MINDY3: variants seen among roughly 807,000 people sequenced by gnomAD.
The protein encoded by MINDY3 is ubiquitin carboxyl-terminal hydrolase MINDY-3.
In MINDY3, 38 loss-of-function variants were observed where a neutral mutation model predicts 69.2. That is an observed-to-expected ratio of 0.55 (90% CI 0.42 to 0.72). MINDY3 has a LOEUF of 0.72. Among genes scored for constraint, MINDY3 ranks in the 30% least tolerant of loss-of-function variants. The pLI is 0.00. For missense variants in MINDY3, 522 were observed against 519.0 expected, an observed-to-expected ratio of 1.01 and a Z score of -0.06; for synonymous variants, 192 against 180.1, an observed-to-expected ratio of 1.07 and a Z score of -0.53.
intron 8 of MINDY3, among the ~76,000 whole-genome samples, chr10:15,823,034 T>G (rs908599650): frequency 6.6e-6 from 1 of 152,286 alleles, no homozygotes. Context: ...TCCATTAGGA[T>G]ATATTTTCTT....
intron 10 of MINDY3, among the ~76,000 whole-genome samples, chr10:15,809,470 G>A (rs1185602148): frequency 6.6e-6 from 1 of 152,086 alleles, no homozygotes; most frequent in Non-Finnish European, 1.5e-5. Context: ...GCCATGATAC[G>A]ATTTCTGAAG....
intron 8 of MINDY3, among the ~76,000 whole-genome samples, chr10:15,822,518 G>A (rs1197254834): frequency 1.3e-5 from 2 of 152,156 alleles, no homozygotes; most frequent in Non-Finnish European, 2.9e-5. Context: ...TGCATTTAAG[G>A]AATGAAGAAT....
chr10:15,836,476 CTAGCA>C (rs1181868861), intron 6 of MINDY3, among the ~76,000 whole-genome samples: 1 of 151,802 alleles, frequency 6.6e-6, no homozygotes, highest in East Asian at 1.9e-4. Context: ...GACATAGTCC[CTAGCA>C]TAGAGTCAAT....
At chr10:15,825,794 T>A (rs1840047730) in intron 8 of MINDY3, among the ~76,000 whole-genome samples, 1 of 152,142 alleles carries the variant, frequency 6.6e-6, no homozygotes, top group African/African-American at 2.4e-5. Flanking sequence ...TGTGTATGAG[T>A]CCATCATCTT....
chr10:15,835,162 G>C (rs115864354), intron 6 of MINDY3, among the ~76,000 whole-genome samples: 258 of 152,068 alleles, frequency 1.7e-3, no homozygotes, highest in African/African-American at 6.0e-3. Flanking sequence ...CAAATTAGGA[G>C]GGCAGGAAGT....
chr10:15,814,546 C>T (rs2131968923), intron 10 of MINDY3, among the ~76,000 whole-genome samples: 1 of 150,310 alleles, frequency 6.7e-6, no homozygotes, highest in Middle Eastern at 3.4e-3. Context: ...GTATAAAATT[C>T]AAGAGTTCTA....
At chr10:15,786,520 C>T in intron 13 of MINDY3, 41 bp downstream of exon 13, 1 of 1,169,408 alleles carries the variant, frequency 8.6e-7, no homozygotes, top group East Asian at 2.3e-5. Flanking sequence ...GGTAATCATC[C>T]CAACAGAATA....
chr10:15,832,005 C>G (rs1840500575), intron 8 of MINDY3, among the ~76,000 whole-genome samples: 1 of 152,106 alleles, frequency 6.6e-6, no homozygotes, highest in Non-Finnish European at 1.5e-5. Flanking sequence ...AAACCTCATT[C>G]TGACTGTTAG....
At chr10:15,807,771 C>G (rs969308278) in intron 10 of MINDY3, among the ~76,000 whole-genome samples, 2 of 152,132 alleles carry the variant, frequency 1.3e-5, no homozygotes, top group African/African-American at 4.8e-5. Flanking sequence ...GCTGACATCA[C>G]TGATGACTGA....
intron 3 of MINDY3, 54 bp downstream of exon 3, chr10:15,843,158 C>A (rs2132095831): frequency 7.4e-7 from 1 of 1,358,284 alleles, no homozygotes; most frequent in Non-Finnish European, 1.0e-6. Context: ...AATTTTAGAT[C>A]ATCTCTATTA....
intron 14 of MINDY3, among the ~76,000 whole-genome samples, chr10:15,780,385 G>A (rs567976717): frequency 6.6e-6 from 1 of 152,180 alleles, no homozygotes; most frequent in Admixed American, 6.5e-5. Flanking sequence ...TACAACTCGG[G>A]CTTTTCAGTC....
chr10:15,834,690 T>A, intron 6 of MINDY3, 74 bp from the exon 7 acceptor site: 2 of 960,010 alleles, frequency 2.1e-6, no homozygotes, highest in South Asian at 2.8e-5. Context: ...AACTGACTAG[T>A]TTACACTATA....
chr10:15,796,745 A>T (rs1463624519), intron 10 of MINDY3, among the ~76,000 whole-genome samples: 1 of 152,058 alleles, frequency 6.6e-6, no homozygotes, highest in Non-Finnish European at 1.5e-5. Context: ...CCTAGAGGAC[A>T]GAAATTTCTT....
chr10:15,829,492 A>G (rs1355322583), intron 8 of MINDY3, among the ~76,000 whole-genome samples: 1 of 152,218 alleles, frequency 6.6e-6, no homozygotes, highest in Admixed American at 6.5e-5. Context: ...AGTGGATTAA[A>G]GCACTGGATT....
chr10:15,778,738 C>A lies in MINDY3; in HGVS notation c.*254G>T, dbSNP rs1836288468. On this transcript the variant is annotated 3_prime_UTR_variant, in exon 15 of 15. Coordinates refer to ENST00000277632, the MANE Select transcript of MINDY3 (RefSeq NM_024948.4). ...AAGTAAATGACCAAGTATCTGAATG[C>A]AAAAGTGATGAACTTTGATGAAAGC... is the stretch of plus-strand genomic sequence containing the variant. 3.1e-6 allele frequency: 1 copy of A among 326,252 alleles called. No homozygotes were observed. 20.2% of individuals were successfully genotyped at this position (326,252 alleles called of 1,614,324 possible).
At chr10:15,785,415 A>G (rs764191056) in intron 13 of MINDY3, among the ~76,000 whole-genome samples, 2 of 152,174 alleles carry the variant, frequency 1.3e-5, no homozygotes, top group Non-Finnish European at 2.9e-5. Context: ...TAAATTAAAA[A>G]CAGGAATATT....
chr10:15,838,045 T>C lies in MINDY3; in HGVS notation c.461+183A>G, dbSNP rs576425934. On this transcript the variant is annotated intron_variant, in intron 5 of 14. Transcript: ENST00000277632. ...TGGGTAGTTAATTAAGGACTCAGCA[T>C]AGTTTATACATTTACAAACTATTTT... 3.1e-6 allele frequency: 3 copies of C among 982,586 alleles called. No individual in the cohort carries two copies. In the East Asian group the frequency reaches 3.4e-4, roughly 112 times the overall value. 60.9% of individuals were successfully genotyped at this position (982,586 alleles called of 1,614,324 possible).
At chr10:15,789,398 GAAAAA>G in intron 11 of MINDY3, 79 bp from the exon 12 acceptor site, 1 of 1,087,232 alleles carries the variant, frequency 9.2e-7, no homozygotes. Flanking sequence ...CAGGTTCCAG[GAAAAA>G]AAAATCGCAT....
intron 10 of MINDY3, among the ~76,000 whole-genome samples, chr10:15,802,079 A>G (rs1023111570): frequency 1.3e-5 from 2 of 151,664 alleles, no homozygotes; most frequent in Non-Finnish European, 2.9e-5. Flanking sequence ...AAAATACAAA[A>G]TATGTGTTAA....
Sources: gnomAD v4.1 joint callset for allele counts (sites outside exome capture counted in the v4.1 genomes callset) on GRCh38, gnomAD v4.1.1 for gene constraint, MANE v1.5 for transcripts, NCBI Gene and HGNC (gene_info 2026-07-23, HGNC 2026-07-21) for gene names.